Variants in RNF216 observed in about 807,000 individuals in gnomAD.
RNF216 encodes ring finger protein 216.
RNF216 carries 72 observed loss-of-function variants against 110.8 expected under a neutral mutation model. That is an observed-to-expected ratio of 0.65 (90% CI 0.54 to 0.79). The LOEUF is 0.79. RNF216 is among the 30% of genes least tolerant of loss of function. The pLI, the probability that RNF216 is intolerant of heterozygous loss-of-function variation, is 0.00. For synonymous variants in RNF216, 495 were observed against 407.5 expected, an observed-to-expected ratio of 1.21 and a Z score of -2.59; for missense variants, 1,342 against 1,141.2, an observed-to-expected ratio of 1.18 and a Z score of -2.54.
chr7:5,726,583 C>T (rs1351264290), intron 7 of RNF216, among the ~76,000 whole-genome samples: 6 of 152,170 alleles, frequency 3.9e-5, no homozygotes, highest in Non-Finnish European at 7.4e-5. Context: ...TCAGGGTGGG[C>T]GCGGTGGCTC....
chr7:5,748,332 T>C (rs1429020935), intron 3 of RNF216, among the ~76,000 whole-genome samples: 4 of 152,226 alleles, frequency 2.6e-5, no homozygotes, highest in African/African-American at 9.6e-5. Flanking sequence ...AAGCTCTGGT[T>C]AGTCTTTGGC....
At chr7:5,702,600 T>A (rs1320819016) in intron 13 of RNF216, among the ~76,000 whole-genome samples, 4 of 152,098 alleles carry the variant, frequency 2.6e-5, no homozygotes. Flanking sequence ...AACAAACACA[T>A]CTACTCTATG....
intron 16 of RNF216, among the ~76,000 whole-genome samples, chr7:5,623,844 A>G (rs1479719888): frequency 6.6e-6 from 1 of 152,144 alleles, no homozygotes; most frequent in Non-Finnish European, 1.5e-5. Context: ...CTCACCATCA[A>G]GGAGATGCCA....
At chr7:5,726,793 G>A (rs1354129788) in intron 7 of RNF216, among the ~76,000 whole-genome samples, 1 of 151,926 alleles carries the variant, frequency 6.6e-6, no homozygotes, top group Non-Finnish European at 1.5e-5. Context: ...GGAAAGCGGA[G>A]GTTGCAGTGA....
At chr7:5,709,815 C>G (rs979676122) in intron 13 of RNF216, among the ~76,000 whole-genome samples, 2 of 152,110 alleles carry the variant, frequency 1.3e-5, no homozygotes, top group African/African-American at 2.4e-5. Context: ...AGTGCAGTGG[C>G]GCAATCATGG....
chr7:5,728,084 A>T (rs1030401165), intron 7 of RNF216, among the ~76,000 whole-genome samples: 6 of 152,052 alleles, frequency 3.9e-5, no homozygotes, highest in African/African-American at 1.4e-4. Context: ...TGAATTCGTG[A>T]TTATTTCTCT....
chr7:5,734,407 T>C (rs1794270107), intron 5 of RNF216, among the ~76,000 whole-genome samples: 1 of 152,228 alleles, frequency 6.6e-6, no homozygotes, highest in Non-Finnish European at 1.5e-5. Context: ...CAACGTTCTA[T>C]TTCTTGAAGA....
intron 14 of RNF216, among the ~76,000 whole-genome samples, chr7:5,651,245 T>A (rs1788366867): frequency 2.0e-5 from 3 of 151,646 alleles, no homozygotes. Flanking sequence ...TTTTTTTGAG[T>A]TGGAGTCTCG....
chr7:5,649,069 A>G (rs187197235), intron 14 of RNF216, among the ~76,000 whole-genome samples: 4 of 152,326 alleles, frequency 2.6e-5, no homozygotes, highest in Non-Finnish European at 4.4e-5. Context: ...TGAAAACACT[A>G]TAGCAGTTTA....
chr7:5,674,320 G>T (rs1017770260), intron 13 of RNF216, among the ~76,000 whole-genome samples: 7 of 151,860 alleles, frequency 4.6e-5, no homozygotes, highest in African/African-American at 1.5e-4. Flanking sequence ...AAGCCACTGT[G>T]CCTAATTTTC....
Position 5,742,996 on chromosome 7 carries a change from C to G in RNF216, c.202-1181G>C, listed in dbSNP as rs1347328109. ...AAAAAACGTAGGCCAGGCGTGGTGG[C>G]TCATGCCTGTAATCCCAGCATTCAG... On this transcript the variant is annotated intron_variant, in intron 3 of 16. Transcript: ENST00000389902. Among the ~76,000 whole-genome samples, 4 of 152,206 alleles carry G rather than the reference C, an allele frequency of 2.6e-5. No individual in the cohort carries two copies. In the East Asian group the frequency reaches 7.7e-4, roughly 29 times the overall value.
chr7:5,635,110 T>A (rs993248905), intron 15 of RNF216, among the ~76,000 whole-genome samples: 4 of 152,136 alleles, frequency 2.6e-5, no homozygotes, highest in Admixed American at 1.3e-4. Context: ...GCTAGTGACC[T>A]ACACATCATC....
At chr7:5,757,689 A>G (rs959947028) in intron 2 of RNF216, among the ~76,000 whole-genome samples, 2 of 152,230 alleles carry the variant, frequency 1.3e-5, no homozygotes, top group Non-Finnish European at 1.5e-5. Context: ...TGACAGAGTC[A>G]AAAAAAGCAG....
chr7:5,675,660 AAACG>A (rs1295845279), intron 13 of RNF216, among the ~76,000 whole-genome samples: 2 of 151,818 alleles, frequency 1.3e-5, no homozygotes, highest in Non-Finnish European at 1.5e-5. Flanking sequence ...ACAAACAAAC[AAACG>A]AACAAAGGAG....
intron 13 of RNF216, among the ~76,000 whole-genome samples, chr7:5,675,646 A>G (rs1314258159): frequency 6.6e-6 from 1 of 151,992 alleles, no homozygotes; most frequent in Non-Finnish European, 1.5e-5. Flanking sequence ...CTCAAAACAA[A>G]CAAACAAACA....
chr7:5,694,405 G>A lies in RNF216; in HGVS notation c.2061+17356C>T, dbSNP rs966404048. Reference sequence around the variant, plus strand: ...TGAGCTCAGAATCTATTCTGACCACGAGCACTATCTGGGTAATAACATTTG... The same window carrying A: ...TGAGCTCAGAATCTATTCTGACCACAAGCACTATCTGGGTAATAACATTTG... On this transcript the variant is annotated intron_variant, in intron 13 of 16. Coordinates refer to ENST00000389902, the MANE Select transcript of RNF216 (RefSeq NM_207111.4). Among the ~76,000 whole-genome samples, 4 of 151,748 alleles carry A rather than the reference G, an allele frequency of 2.6e-5. No homozygotes were observed. In the South Asian group the frequency reaches 6.2e-4, roughly 24 times the overall value.
intron 11 of RNF216, chr7:5,713,229 C>G (rs1195546886): frequency 6.1e-6 from 1 of 162,682 alleles, no homozygotes; most frequent in Non-Finnish European, 1.3e-5. Context: ...GAAAGCAGAG[C>G]TGAGTGGTGG....
chr7:5,678,550 T>G (rs939643505), intron 13 of RNF216, among the ~76,000 whole-genome samples: 7 of 152,176 alleles, frequency 4.6e-5, no homozygotes, highest in African/African-American at 1.7e-4. Context: ...CTTACTAAAG[T>G]GACCTCAGGT....
intron 7 of RNF216, among the ~76,000 whole-genome samples, chr7:5,727,673 A>G (rs1793842821): frequency 6.6e-6 from 1 of 152,082 alleles, no homozygotes; most frequent in South Asian, 2.1e-4. Flanking sequence ...AGGTTGCAAT[A>G]AGCCACGATT....
Sources: gnomAD v4.1 joint callset for allele counts (sites outside exome capture counted in the v4.1 genomes callset) on GRCh38, gnomAD v4.1.1 for gene constraint, MANE v1.5 for transcripts, NCBI Gene and HGNC (gene_info 2026-07-23, HGNC 2026-07-21) for gene names.